MON2: variants seen among roughly 807,000 people sequenced by gnomAD.
MON2 encodes protein MON2 homolog.
MON2 carries 84 observed loss-of-function variants against 208.6 expected under a neutral mutation model. That is an observed-to-expected ratio of 0.40 (90% CI 0.34 to 0.48). MON2 has a LOEUF of 0.48. MON2 is among the 20% of genes least tolerant of loss of function. MON2 has a pLI of 0.59. For missense variants in MON2, 1,611 were observed against 2,015.4 expected, an observed-to-expected ratio of 0.80 and a Z score of 3.84; for synonymous variants, 660 against 694.0, an observed-to-expected ratio of 0.95 and a Z score of 0.77.
chr12:62,542,935 G>A (rs544231286), intron 19 of MON2, among the ~76,000 whole-genome samples, 162 bp from the exon 20 acceptor site: 1 of 152,268 alleles, frequency 6.6e-6, no homozygotes, highest in African/African-American at 2.4e-5. Flanking sequence ...TTGACAGGAA[G>A]CCTTGTCTTT....
intron 1 of MON2, among the ~76,000 whole-genome samples, chr12:62,481,308 C>T (rs1006861162): frequency 1.3e-5 from 2 of 152,072 alleles, no homozygotes; most frequent in African/African-American, 2.4e-5. Flanking sequence ...GGGCGGATCA[C>T]GAGGTCAGGT....
At chr12:62,556,461 A>G (rs1460524555) in intron 25 of MON2, among the ~76,000 whole-genome samples, 1 of 152,214 alleles carries the variant, frequency 6.6e-6, no homozygotes, top group Non-Finnish European at 1.5e-5. Context: ...ATGATGTGTT[A>G]CAAGGAGTGG....
chr12:62,468,181 C>A (rs527309304), intron 1 of MON2, among the ~76,000 whole-genome samples: 5 of 151,094 alleles, frequency 3.3e-5, no homozygotes, highest in African/African-American at 9.7e-5. Context: ...ACAAAAAAAC[C>A]CACCAAAAAC....
rs1285209591 is a variant in MON2 at position 62,467,227 on chromosome 12, C to G, written c.20C>G (p.Pro7Arg). The change falls in exon 1 of 35, where the codon CCC (proline) becomes CGC (arginine). Residue 7 changes from proline (P) to arginine (R), a missense_variant. Physicochemically the swap from Pro to Arg is moderately radical, Grantham distance 103. Transcript: ENST00000393630. MSGTSS[P>R]EAVKKLLENM... ...AGGATCATGTCCGGCACCAGCAGCCCCGAGGCGGTGAAGAAGCTGCTGGAG... is the reference window on the plus strand; with the variant it reads ...AGGATCATGTCCGGCACCAGCAGCCGCGAGGCGGTGAAGAAGCTGCTGGAG... 6.2e-7 allele frequency: 1 copy of G among 1,613,316 alleles called. No individual in the cohort carries two copies. Among genetic ancestry groups the G allele is most frequent in the South Asian group, 1.1e-5 (1 of 91,072 alleles).
rs1592325232 is a variant in MON2, at chr12:62,534,547, A to G, written c.1634-298A>G. 5.3e-5 allele frequency among the ~76,000 whole-genome samples: 2 copies of G among 37,472 alleles called. 1 individual carries two copies. The highest frequency in any genetic ancestry group is 2.5e-4 in the African/African-American group (2 of 7,966). The allele number at this position is 37,472 out of a possible 152,430, so 24.6% of individuals were successfully genotyped here. On this transcript the variant is annotated intron_variant, in intron 12 of 34. Transcript: ENST00000393630. ...AAAAAAAAAAAAAAAAAAAAAATAT[A>G]TATATATATATATATATATATTTTA... is the stretch of plus-strand genomic sequence containing the variant.
At chr12:62,587,860 G>T in intron 33 of MON2, 2 of 381,382 alleles carry the variant, frequency 5.2e-6, no homozygotes, top group South Asian at 5.3e-5. Flanking sequence ...ATAAGTCATG[G>T]CAAGAATAAC....
rs1307366235 is a variant in MON2 at position 62,598,580 on chromosome 12, C to CT, written c.*5832dup. 2 of 152,176 alleles carry CT rather than the reference C, an allele frequency of 1.3e-5. No homozygotes were observed. The highest frequency in any genetic ancestry group is 4.8e-5 in the African/African-American group (2 of 41,446). The allele number at this position is 152,176 out of a possible 1,614,324, so 9.4% of individuals were successfully genotyped here. A position where few individuals can be genotyped will look rare whatever the true frequency, so the allele number is the denominator to read the frequency against. On this transcript the variant is annotated 3_prime_UTR_variant, in exon 35 of 35. Transcript: ENST00000393630. ...TAATTTAACACGTAACATACAACTC[C>CT]TGTCTCTTAAGGCAGCTACCATATG...
chr12:62,541,745 G>A (rs1035632883), intron 19 of MON2, among the ~76,000 whole-genome samples: 9 of 152,124 alleles, frequency 5.9e-5, no homozygotes, highest in African/African-American at 2.2e-4. Context: ...TTTAAAAAGT[G>A]CAAATGCGAG....
chr12:62,548,223 C>T (rs78671271), intron 22 of MON2, among the ~76,000 whole-genome samples: 2,858 of 152,232 alleles, frequency 0.019, 78 homozygotes, highest in African/African-American at 0.064. Context: ...CAAGTGCTCA[C>T]TAGAAATAAG....
intron 32 of MON2, among the ~76,000 whole-genome samples, chr12:62,582,365 G>A (rs184042252): frequency 7.2e-5 from 11 of 152,308 alleles, no homozygotes; most frequent in East Asian, 1.9e-4. Context: ...CTAACTTGGA[G>A]TTTTCCAACA....
chr12:62,507,907 T>C (rs1194420120), intron 7 of MON2, among the ~76,000 whole-genome samples: 5 of 152,136 alleles, frequency 3.3e-5, no homozygotes, highest in African/African-American at 1.2e-4. Flanking sequence ...TTGCTGGGAC[T>C]ACTGGTGCGT....
chr12:62,538,542 A>C (rs769727099), intron 19 of MON2, 37 bp downstream of exon 19: 2 of 1,308,826 alleles, frequency 1.5e-6, no homozygotes, highest in Non-Finnish European at 2.2e-6. Context: ...GATATGATAC[A>C]TTAGTTATAT....
intron 7 of MON2, among the ~76,000 whole-genome samples, chr12:62,503,345 C>G (rs528075705): frequency 1.3e-5 from 2 of 152,328 alleles, no homozygotes; most frequent in East Asian, 3.9e-4. Flanking sequence ...TCCCGACCAT[C>G]ACCTTCAAAA....
At chr12:62,545,489 A>T (rs2073442885) in intron 21 of MON2, 1 of 152,086 alleles carries the variant, frequency 6.6e-6, no homozygotes, top group Non-Finnish European at 1.5e-5. Context: ...ACTCTCTATT[A>T]TTTGTACCCA....
intron 3 of MON2, 84 bp downstream of exon 3, chr12:62,494,126 T>C (rs1161585356): frequency 7.9e-7 from 1 of 1,271,384 alleles, no homozygotes; most frequent in Non-Finnish European, 1.1e-6. Context: ...ACCTGATATT[T>C]AATATAAAAC....
intron 8 of MON2, among the ~76,000 whole-genome samples, chr12:62,509,497 A>G (rs2071283635): frequency 6.6e-6 from 1 of 152,220 alleles, no homozygotes; most frequent in African/African-American, 2.4e-5. Context: ...ACCAGACATA[A>G]GACTAATAAG....
intron 8 of MON2, among the ~76,000 whole-genome samples, chr12:62,522,052 G>T (rs1057318746): frequency 6.6e-6 from 1 of 152,014 alleles, no homozygotes; most frequent in Non-Finnish European, 1.5e-5. Flanking sequence ...AATTAACTGG[G>T]CATGGTGGCT....
At chr12:62,565,078 A>G in intron 26 of MON2, 159 bp from the exon 27 acceptor site, 1 of 633,676 alleles carries the variant, frequency 1.6e-6, no homozygotes, top group South Asian at 2.3e-5. Flanking sequence ...ATTCTATAAC[A>G]GTTTAAAATA....
intron 25 of MON2, among the ~76,000 whole-genome samples, chr12:62,556,407 G>A (rs1383702163): frequency 7.2e-5 from 11 of 152,164 alleles, no homozygotes; most frequent in Admixed American, 5.9e-4. Context: ...TCATGGGCAT[G>A]AGGAAGTACC....
Sources: gnomAD v4.1 joint callset for allele counts (sites outside exome capture counted in the v4.1 genomes callset) on GRCh38, gnomAD v4.1.1 for gene constraint, MANE v1.5 for transcripts, NCBI Gene and HGNC (gene_info 2026-07-23, HGNC 2026-07-21) for gene names.